The following IL20RB variants were observed in gnomAD, a reference collection of about 807,000 sequenced individuals.
IL20RB encodes interleukin 20 receptor subunit beta, also known as interleukin-20 receptor subunit beta.
A neutral mutation model predicts 33.3 loss-of-function variants in IL20RB; 21 were observed. The ratio of observed to expected loss-of-function variants is 0.63; its 90% CI spans 0.45 to 0.91. The LOEUF is 0.91. Ranked by LOEUF, IL20RB falls within the 40% of genes least tolerant of loss-of-function variation. The pLI is 0.00. For missense variants in IL20RB, 345 were observed against 384.8 expected (o/e 0.90, Z 0.86); for synonymous variants, 147 against 146.8 (o/e 1.00, Z -0.01).
At chr3:137,005,798 C>A (rs1312599977) in intron 6 of IL20RB, among the ~76,000 whole-genome samples, 2 of 152,166 alleles carry the variant, frequency 1.3e-5, no homozygotes, top group Non-Finnish European at 2.9e-5. Context: ...TGAATTTGAT[C>A]CTGTCATTAT....
chr3:136,979,704 C>A (rs1373231492), intron 1 of IL20RB, among the ~76,000 whole-genome samples: 1 of 152,200 alleles, frequency 6.6e-6, no homozygotes, highest in Non-Finnish European at 1.5e-5. Flanking sequence ...CAGGGGCCTG[C>A]AGTCTTTCCG....
rs777421755 is a variant in IL20RB at position 136,980,582 on chromosome 3, G to A, written c.205G>A (p.Glu69Lys). The part of the protein sequence containing the change: ...APGETVYYSV[E>K]YQGEYESLYT... ...TGGAGAAACAGTGTACTATTCTGTC[G>A]AATACCAGGGGTGAGTTTTTTCTTT... The change falls in exon 2 of 7, where the codon GAA becomes AAA. Residue 69 changes from glutamate to lysine, a missense_variant. Transcript: ENST00000329582. 53 of 1,614,012 alleles carry A rather than the reference G, an allele frequency of 3.3e-5. No homozygotes were observed. The highest frequency in any genetic ancestry group is 1.2e-4 in the Admixed American group (7 of 59,994).
chr3:137,003,827 G>T lies in IL20RB; in HGVS notation c.826-6286G>T, dbSNP rs183069698. Among the ~76,000 whole-genome samples the T allele has an allele frequency of 5.7e-3, 865 of 152,090 alleles. 5 individuals carry two copies. Among genetic ancestry groups the T allele is most frequent in the Non-Finnish European group, 6.6e-3 (446 of 67,934 alleles). On this transcript the variant is annotated intron_variant, in intron 6 of 6. Transcript: ENST00000329582. ...TGTTGAATAGGAGTGGTGAGAGAGG[G>T]CATCCTTGTGCTGGTTTTTAAAAGG...
intron 1 of IL20RB, among the ~76,000 whole-genome samples, chr3:136,973,441 CA>C (rs988377991): frequency 2.6e-4 from 38 of 144,692 alleles, no homozygotes; most frequent in African/African-American, 3.3e-4. Flanking sequence ...CAGTGAATCT[CA>C]AAAAAAAAAA....
intron 5 of IL20RB, among the ~76,000 whole-genome samples, chr3:136,994,595 G>T (rs945309372): frequency 1.3e-5 from 2 of 152,262 alleles, no homozygotes; most frequent in East Asian, 1.9e-4. Flanking sequence ...CATTGCAGGT[G>T]AGTAGCCTGG....
chr3:136,994,464 C>T (rs542279550), intron 5 of IL20RB, among the ~76,000 whole-genome samples: 1 of 152,196 alleles, frequency 6.6e-6, no homozygotes, highest in East Asian at 1.9e-4. Context: ...AGGGTATGAA[C>T]ACTGGTGTAT....
intron 6 of IL20RB, among the ~76,000 whole-genome samples, chr3:137,003,688 A>G (rs1313879076): frequency 2.0e-5 from 3 of 152,152 alleles, no homozygotes; most frequent in Admixed American, 1.3e-4. Flanking sequence ...GGGTTTTCTA[A>G]ATATACAATC....
At chr3:136,970,628 TTCCTTCCTTCCTTCCTTCC>T (rs1941452558) in intron 1 of IL20RB, among the ~76,000 whole-genome samples, 1 of 45,022 alleles carries the variant, frequency 2.2e-5, no homozygotes, top group Non-Finnish European at 4.3e-5. Context: ...CCTTCCTTCC[TTCCTTCCTTCCTTCCTTCC>T]TTCCTTCCTT....
chr3:137,008,307 A>T (rs1157493516), intron 6 of IL20RB, among the ~76,000 whole-genome samples: 1 of 152,198 alleles, frequency 6.6e-6, no homozygotes, highest in South Asian at 2.1e-4. Context: ...AAGAACTTGC[A>T]GTGCAATGAA....
intron 1 of IL20RB, among the ~76,000 whole-genome samples, chr3:136,963,042 G>C (rs2108172304): frequency 6.6e-6 from 1 of 152,228 alleles, no homozygotes; most frequent in East Asian, 1.9e-4. Flanking sequence ...GTATTATTTT[G>C]CAACTCTTCT....
intron 1 of IL20RB, among the ~76,000 whole-genome samples, chr3:136,971,954 C>T (rs1941497139): frequency 6.6e-6 from 1 of 152,150 alleles, no homozygotes; most frequent in Admixed American, 6.5e-5. Context: ...TTCCCACCAA[C>T]AGTGTGTAAG....
Position 136,989,386 on chromosome 3 carries a change from G to C in IL20RB, c.407-55G>C, listed in dbSNP as rs555993576. 7.5e-5 allele frequency: 121 copies of C among 1,606,560 alleles called. No homozygotes were observed. The East Asian group carries it at 2.6e-3, about 35-fold the overall frequency. Reference sequence around the variant, plus strand: ...TACATGACCCGGTCATTGTGTTCCAGGGAAATCAACCCTGTCTGGGGCTGG... The same window carrying C: ...TACATGACCCGGTCATTGTGTTCCACGGAAATCAACCCTGTCTGGGGCTGG... On this transcript the variant is annotated intron_variant, in intron 3 of 6. Transcript: ENST00000329582.
chr3:136,977,387 G>A (rs1309289241), intron 1 of IL20RB, among the ~76,000 whole-genome samples: 1 of 152,156 alleles, frequency 6.6e-6, no homozygotes, highest in African/African-American at 2.4e-5. Flanking sequence ...AACACAGTAT[G>A]TCTCTCCATT....
intron 3 of IL20RB, among the ~76,000 whole-genome samples, chr3:136,988,747 A>T (rs755171463): frequency 6.6e-6 from 1 of 152,070 alleles, no homozygotes; most frequent in Non-Finnish European, 1.5e-5. Context: ...CCTGTCTGAA[A>T]AAAAAAGAAA....
Position 136,992,021 on chromosome 3 carries a change from C to A in IL20RB, c.615C>A (p.Ala205=), listed in dbSNP as rs751799126. The change falls in exon 5 of 7, where the codon GCC becomes GCA. Residue 205 remains alanine (A), a synonymous_variant. Coordinates refer to ENST00000329582, the MANE Select transcript of IL20RB (RefSeq NM_144717.4). ...MEPGAAYCVK[A]QTFVKAIGRY... is the part of the protein sequence containing the mutation. ...CAGGGGCTGCATACTGTGTGAAGGC[C>A]CAGACATTCGTGAAGGCCATTGGGA... 1 of 1,614,136 alleles carries A rather than the reference C, an allele frequency of 6.2e-7. No homozygotes were observed. The highest frequency in any genetic ancestry group is 8.5e-7 in the Non-Finnish European group (1 of 1,180,036).
chr3:136,974,077 G>T (rs1349334792), intron 1 of IL20RB, among the ~76,000 whole-genome samples: 3 of 151,804 alleles, frequency 2.0e-5, no homozygotes, highest in African/African-American at 4.8e-5. Flanking sequence ...AATATGTGAG[G>T]TTTTTTCCTG....
intron 1 of IL20RB, among the ~76,000 whole-genome samples, chr3:136,970,976 C>T (rs763210722): frequency 1.5e-4 from 23 of 151,936 alleles, no homozygotes; most frequent in Non-Finnish European, 2.6e-4. Context: ...CTTTATTTCA[C>T]GTGGGGTAAA....
At chr3:136,972,885 A>T (rs1334471056) in intron 1 of IL20RB, among the ~76,000 whole-genome samples, 1 of 150,558 alleles carries the variant, frequency 6.6e-6, no homozygotes, top group Non-Finnish European at 1.5e-5. Context: ...GCATTGTTAG[A>T]TTGTTAATTT....
intron 5 of IL20RB, among the ~76,000 whole-genome samples, chr3:136,994,660 A>G (rs1170828378): frequency 1.3e-5 from 2 of 152,158 alleles, no homozygotes; most frequent in Non-Finnish European, 2.9e-5. Context: ...AGATGGGAAA[A>G]TAACCTGTCC....
Sources: allele counts gnomAD v4.1 joint callset (sites outside exome capture counted in the v4.1 genomes callset), GRCh38; gene constraint gnomAD v4.1.1; transcripts MANE v1.5; gene names NCBI Gene and HGNC (gene_info 2026-07-23, HGNC 2026-07-21).